Variants in CDH13 observed in about 807,000 individuals in gnomAD.
CDH13 encodes the protein cadherin 13, also known as cadherin-13.
In CDH13, 24 loss-of-function variants were observed where a neutral mutation model predicts 63.8. The observed-to-expected ratio is 0.38, with a 90% CI of 0.27 to 0.53. CDH13 has a LOEUF of 0.53. Ranked by LOEUF, CDH13 falls within the 20% of genes least tolerant of loss-of-function variation. CDH13 has a pLI of 0.85. For synonymous variants in CDH13, 503 were observed against 355.3 expected (o/e 1.42, Z -4.67); for missense variants, 1,049 against 903.1 (o/e 1.16, Z -2.07).
intron 1 of CDH13, among the ~76,000 whole-genome samples, chr16:82,840,870 A>G (rs554493740): frequency 3.9e-5 from 6 of 152,250 alleles, no homozygotes; most frequent in Admixed American, 2.6e-4. Context: ...CTCTTTTCCT[A>G]TGAGTGTTGG....
chr16:82,814,328 C>A (rs990108925), intron 1 of CDH13, among the ~76,000 whole-genome samples: 2 of 152,008 alleles, frequency 1.3e-5, no homozygotes, highest in African/African-American at 4.8e-5. Context: ...CTGGATACCC[C>A]CAGGATGGGT....
chr16:82,901,037 C>T (rs2041449215), intron 2 of CDH13, among the ~76,000 whole-genome samples: 1 of 150,960 alleles, frequency 6.6e-6, no homozygotes, highest in South Asian at 2.1e-4. Context: ...TAATGCCCCT[C>T]ATAAGGTTGT....
chr16:83,321,838 A>C (rs1246851806), intron 5 of CDH13, among the ~76,000 whole-genome samples: 2 of 152,186 alleles, frequency 1.3e-5, no homozygotes, highest in African/African-American at 4.8e-5. Context: ...GAAATCTGGA[A>C]TTTTGTTAAA....
chr16:83,182,924 T>C (rs1455259467), intron 4 of CDH13, among the ~76,000 whole-genome samples: 1 of 152,216 alleles, frequency 6.6e-6, no homozygotes, highest in African/African-American at 2.4e-5. Context: ...GTTTTTCCTC[T>C]TGTATTAGAT....
chr16:83,110,906 C>A (rs1320624010), intron 3 of CDH13, among the ~76,000 whole-genome samples: 1 of 150,456 alleles, frequency 6.6e-6, no homozygotes, highest in African/African-American at 2.4e-5. Flanking sequence ...TTTCTTGTTA[C>A]TCAGCAACCA....
At chr16:83,531,422 C>A (rs1411852319) in intron 7 of CDH13, among the ~76,000 whole-genome samples, 1 of 152,168 alleles carries the variant, frequency 6.6e-6, no homozygotes, top group Non-Finnish European at 1.5e-5. Flanking sequence ...CCTTACACAG[C>A]AACAGAGACT....
chr16:82,986,879 G>A (rs1911009146), intron 2 of CDH13, among the ~76,000 whole-genome samples: 1 of 152,182 alleles, frequency 6.6e-6, no homozygotes, highest in Non-Finnish European at 1.5e-5. Context: ...TTATGAGTTA[G>A]GTACTTTCAA....
At chr16:83,140,755 G>A (rs984874878) in intron 4 of CDH13, among the ~76,000 whole-genome samples, 7 of 152,140 alleles carry the variant, frequency 4.6e-5, no homozygotes, top group African/African-American at 1.2e-4. Flanking sequence ...GCACCCGGCC[G>A]ATCTGATGTA....
intron 7 of CDH13, among the ~76,000 whole-genome samples, chr16:83,524,044 C>T (rs533525407): frequency 6.6e-6 from 1 of 152,196 alleles, no homozygotes; most frequent in Admixed American, 6.5e-5. Context: ...AGTCCACCCA[C>T]AGGAGATGAG....
chr16:82,876,048 G>A (rs2040492705), intron 2 of CDH13, among the ~76,000 whole-genome samples: 1 of 152,202 alleles, frequency 6.6e-6, no homozygotes. Flanking sequence ...AAAATCATCA[G>A]CTCTCATGAG....
intron 1 of CDH13, among the ~76,000 whole-genome samples, chr16:82,735,407 C>T (rs1426763928): frequency 6.6e-6 from 1 of 152,188 alleles, no homozygotes; most frequent in Non-Finnish European, 1.5e-5. Context: ...CTATTCATAG[C>T]AAGAATGTTG....
intron 1 of CDH13, among the ~76,000 whole-genome samples, chr16:82,756,915 C>T (rs1390669890): frequency 6.6e-6 from 1 of 152,168 alleles, no homozygotes; most frequent in Admixed American, 6.5e-5. Flanking sequence ...CTGTGAGGGC[C>T]AGGATTTGGG....
chr16:83,546,168 A>T (rs1017781641), intron 7 of CDH13, among the ~76,000 whole-genome samples: 2 of 152,170 alleles, frequency 1.3e-5, no homozygotes, highest in African/African-American at 4.8e-5. Context: ...CTGCATAATG[A>T]GAGGGAAGCA....
intron 6 of CDH13, among the ~76,000 whole-genome samples, chr16:83,471,594 C>A (rs1408386184): frequency 6.6e-6 from 1 of 152,136 alleles, no homozygotes; most frequent in Admixed American, 6.5e-5. Context: ...CACTTTTATG[C>A]CTGCCTTTGT....
At chr16:82,938,740 T>C (rs2151305658) in intron 2 of CDH13, among the ~76,000 whole-genome samples, 1 of 152,310 alleles carries the variant, frequency 6.6e-6, no homozygotes, top group South Asian at 2.1e-4. Flanking sequence ...AGAGTCAACG[T>C]AGGGTGCAGT....
chr16:83,203,004 T>C (rs1204258427), intron 4 of CDH13, among the ~76,000 whole-genome samples: 1 of 152,002 alleles, frequency 6.6e-6, no homozygotes, highest in Non-Finnish European at 1.5e-5. Flanking sequence ...GGTGGGAAGA[T>C]CACCTGAGGT....
At chr16:83,335,593 C>G (rs981114913) in intron 5 of CDH13, among the ~76,000 whole-genome samples, 2 of 152,114 alleles carry the variant, frequency 1.3e-5, no homozygotes, top group Admixed American at 6.6e-5. Flanking sequence ...AAAGTAAAAA[C>G]TAAAAGGCAG....
At chr16:83,203,655 C>T (rs147719371) in intron 4 of CDH13, among the ~76,000 whole-genome samples, 1 of 90,854 alleles carries the variant, frequency 1.1e-5, no homozygotes, top group Admixed American at 1.5e-4. Flanking sequence ...GAGTGAGACT[C>T]CATCTCAAAA....
At chr16:83,391,313 C>G (rs773179131) in intron 6 of CDH13, among the ~76,000 whole-genome samples, 1 of 151,824 alleles carries the variant, frequency 6.6e-6, no homozygotes, top group Non-Finnish European at 1.5e-5. Context: ...TCAAATGATT[C>G]TCCTGCCTCA....
Sources: gnomAD v4.1 joint callset for allele counts (sites outside exome capture counted in the v4.1 genomes callset) on GRCh38, gnomAD v4.1.1 for gene constraint, MANE v1.5 for transcripts, NCBI Gene and HGNC (gene_info 2026-07-23, HGNC 2026-07-21) for gene names.